Variants in CATSPERD observed in about 807,000 individuals in gnomAD.
CATSPERD encodes the protein catsper channel auxiliary subunit delta.
Under a neutral mutation model 98.1 loss-of-function variants are expected in CATSPERD, and 86 were observed. The ratio of observed to expected loss-of-function variants is 0.88; its 90% CI spans 0.74 to 1.05. CATSPERD has a LOEUF of 1.05. Among genes scored for constraint, CATSPERD ranks in the 50% least tolerant of loss-of-function variants. The probability of loss-of-function intolerance (pLI) is 0.00; values close to 1 mark genes in which losing one functional copy is unlikely to be tolerated. For missense variants in CATSPERD, 995 were observed against 1,005.7 expected, an observed-to-expected ratio of 0.99 and a Z score of 0.14; for synonymous variants, 394 against 390.2, an observed-to-expected ratio of 1.01 and a Z score of -0.12.
chr19:5,773,968 C>CTTTT (rs71172771), intron 20 of CATSPERD, among the ~76,000 whole-genome samples: 3 of 120,408 alleles, frequency 2.5e-5, no homozygotes, highest in Non-Finnish European at 3.3e-5. Flanking sequence ...TTTGCATTTG[C>CTTTT]TTTTTTTTTT....
chr19:5,747,417 C>T (rs1041674166), intron 9 of CATSPERD, among the ~76,000 whole-genome samples: 3 of 151,970 alleles, frequency 2.0e-5, no homozygotes, highest in Admixed American at 6.6e-5. Flanking sequence ...ATCCTCTGGC[C>T]TCAGCCTCCC....
At chr19:5,752,312 T>TA (rs1555722989) in intron 12 of CATSPERD, among the ~76,000 whole-genome samples, 1 of 150,948 alleles carries the variant, frequency 6.6e-6, no homozygotes, top group Non-Finnish European at 1.5e-5. Flanking sequence ...TCGTCTCAAA[T>TA]AATAAATAAA....
At chr19:5,762,058 A>ATATTTTTTTTTT in intron 15 of CATSPERD, among the ~76,000 whole-genome samples, 1 of 10,438 alleles carries the variant, frequency 9.6e-5, no homozygotes, top group African/African-American at 3.3e-4. Flanking sequence ...ATATATATAT[A>ATATTTTTTTTTT]TTTTTTTTTT....
chr19:5,731,138 A>G (rs2055709026), intron 4 of CATSPERD, among the ~76,000 whole-genome samples: 1 of 151,506 alleles, frequency 6.6e-6, no homozygotes, highest in Non-Finnish European at 1.5e-5. Context: ...AAACCAAAGC[A>G]CACCCTTAGT....
intron 12 of CATSPERD, chr19:5,753,656 G>T: frequency 2.9e-6 from 1 of 346,392 alleles, no homozygotes; most frequent in Non-Finnish European, 5.8e-6. Flanking sequence ...GATCACTTGT[G>T]CCCAGGAATT....
rs1330798473 is a variant in CATSPERD, at chr19:5,731,797, G to A, written c.276+1853G>A. Among the ~76,000 whole-genome samples the A allele has an allele frequency of 4.0e-5, 6 of 150,466 alleles. No individual in the cohort carries two copies. In the East Asian group the frequency reaches 5.9e-4, roughly 15 times the overall value. On this transcript the variant is annotated intron_variant, in intron 4 of 21. Coordinates refer to ENST00000381624, the MANE Select transcript of CATSPERD (RefSeq NM_152784.4). ...TCACCTTGTTAGCCAGGATGGTCTC[G>A]ATCTCCTGACCTCATGATCCACCCG...
intron 13 of CATSPERD, among the ~76,000 whole-genome samples, chr19:5,757,599 A>ATTTTT (rs534531838): frequency 2.2e-5 from 2 of 91,830 alleles, no homozygotes; most frequent in African/African-American, 4.0e-5. Flanking sequence ...GCCTGGCCAA[A>ATTTTT]TTTTTTTTTT....
At position 5,748,141 on chromosome 19, in the gene CATSPERD, C is replaced by T; in HGVS notation, c.809-19C>T. On this transcript the variant is annotated intron_variant, in intron 9 of 21. Coordinates refer to ENST00000381624, the MANE Select transcript of CATSPERD (RefSeq NM_152784.4). ...AGGATGTACACGGGGCCTCATGCAC[C>T]TGTCCTGTTACCTCCTAGGTCAGCT... The T allele has an allele frequency of 1.9e-6, 3 of 1,605,720 alleles. No individual in the cohort carries two copies. The highest frequency in any genetic ancestry group is 2.6e-6 in the Non-Finnish European group (3 of 1,172,584).
intron 7 of CATSPERD, among the ~76,000 whole-genome samples, chr19:5,743,991 C>CTT: frequency 6.6e-6 from 1 of 151,766 alleles, no homozygotes; most frequent in Non-Finnish European, 1.5e-5. Flanking sequence ...CTTTTCTTTT[C>CTT]TTTTTTGAGA....
chr19:5,744,584 T>G (rs1228413526), intron 8 of CATSPERD, 74 bp downstream of exon 8: 2 of 963,424 alleles, frequency 2.1e-6, no homozygotes, highest in African/African-American at 3.4e-5. Flanking sequence ...AACTCGCACA[T>G]TTTTAAACAT....
chr19:5,753,913 A>G (rs1158971474), intron 12 of CATSPERD, among the ~76,000 whole-genome samples: 1 of 151,922 alleles, frequency 6.6e-6, no homozygotes, highest in East Asian at 1.9e-4. Context: ...ATTACTGCGC[A>G]TGTCAGGGTT....
At position 5,766,160 on chromosome 19, in the gene CATSPERD, G is replaced by A. The variant is rs2056535038; in HGVS notation, c.1559+5G>A. ...TAAAAAGATCGTCATCCAGAAGTAA[G>A]TATGTTGAGGCCGGGCACCATGGCT... On this transcript the variant is annotated splice_donor_5th_base_variant and intron_variant, in intron 17 of 21. Transcript: ENST00000381624. The A allele has an allele frequency of 1.9e-6, 3 of 1,612,008 alleles. No homozygotes were observed. Among genetic ancestry groups the A allele is most frequent in the Non-Finnish European group, 2.5e-6 (3 of 1,179,006 alleles).
Position 5,744,407 on chromosome 19 carries a change from C to A in CATSPERD, c.574-20C>A. The A allele has an allele frequency of 6.3e-7, 1 of 1,598,866 alleles. No homozygotes were observed. On this transcript the variant is annotated intron_variant, in intron 7 of 21. Transcript: ENST00000381624. ...GTATTAAGATTTATTCATCTGAAGT[C>A]TTTTCTGTTTGTTTCATAGGCAGAA...
chr19:5,765,405 T>TATTC lies in CATSPERD; in HGVS notation c.1507-651_1507-648dup, dbSNP rs71172767. Among the ~76,000 whole-genome samples, 1,042 of 141,080 alleles carry TATTC rather than the reference T, an allele frequency of 7.4e-3. 9 individuals are homozygous for TATTC. The highest frequency in any genetic ancestry group is 0.029 in the East Asian group (144 of 5,012). The allele number at this position is 141,080 out of a possible 152,430, so 92.6% of individuals were successfully genotyped here. A position where few individuals can be genotyped will look rare whatever the true frequency, so the allele number is the denominator to read the frequency against. On this transcript the variant is annotated intron_variant, in intron 16 of 21. Coordinates refer to ENST00000381624, the MANE Select transcript of CATSPERD (RefSeq NM_152784.4). ...GTTTATTCATTCTAGGCCATTGATT[T>TATTC]ATTCATTCATTCATTCATTCATTCA... is the stretch of plus-strand genomic sequence containing the variant.
In CATSPERD at chr19:5,756,070, CAGG is replaced by C. The variant is rs1404981368; in HGVS notation, c.1279-1770_1279-1768del. Among the ~76,000 whole-genome samples, 3 of 152,048 alleles carry C rather than the reference CAGG, an allele frequency of 2.0e-5. No homozygotes were observed. In the East Asian group the frequency reaches 5.8e-4, roughly 30 times the overall value. On this transcript the variant is annotated intron_variant, in intron 13 of 21. Coordinates refer to ENST00000381624, the MANE Select transcript of CATSPERD (RefSeq NM_152784.4). ...CCAAGGCGGGCAGATTGCCTGAGGC[CAGG>C]AGTTCAAGATCAGCCTGGCCAACAT... is the stretch of plus-strand genomic sequence containing the variant.
At position 5,776,158 on chromosome 19, in the gene CATSPERD, C is replaced by A. The variant is rs755646470; in HGVS notation, c.1942-3C>A. 1 of 1,614,004 alleles carries A rather than the reference C, an allele frequency of 6.2e-7. No individual in the cohort carries two copies. Among genetic ancestry groups the A allele is most frequent in the East Asian group, 2.2e-5 (1 of 44,872 alleles). On this transcript the variant is annotated splice_polypyrimidine_tract_variant and splice_region_variant and intron_variant, in intron 20 of 21. Transcript: ENST00000381624. ...CCAGTGGGCATGTCTCTGTCCCCCA[C>A]AGAACTATGTGAGCTGCCACGACCC... is the stretch of plus-strand genomic sequence containing the variant.
chr19:5,765,932 C>G (rs866316434), intron 16 of CATSPERD, among the ~76,000 whole-genome samples, 171 bp from the exon 17 acceptor site: 7 of 152,216 alleles, frequency 4.6e-5, no homozygotes, highest in South Asian at 4.2e-4. Flanking sequence ...TTAAGCTCCG[C>G]GGGGCCAGCT....
At chr19:5,729,367 G>T (rs1275624323) in intron 3 of CATSPERD, among the ~76,000 whole-genome samples, 1 of 152,108 alleles carries the variant, frequency 6.6e-6, no homozygotes, top group Non-Finnish European at 1.5e-5. Flanking sequence ...CCAAAGTGCT[G>T]GGATTACAGG....
chr19:5,766,090 C>G lies in CATSPERD; in HGVS notation c.1507-13C>G, dbSNP rs201537911. 4 of 1,610,724 alleles carry G rather than the reference C, an allele frequency of 2.5e-6. No individual in the cohort carries two copies. Among genetic ancestry groups the G allele is most frequent in the Admixed American group, 1.7e-5 (1 of 59,620 alleles). On this transcript the variant is annotated splice_polypyrimidine_tract_variant and intron_variant, in intron 16 of 21. Coordinates refer to ENST00000381624, the MANE Select transcript of CATSPERD (RefSeq NM_152784.4). ...CTGACCTGGGTCCATATTTCTGTCT[C>G]TCTCCTCTGCAGTCGACACTGATTT...
Sources: allele counts gnomAD v4.1 joint callset (sites outside exome capture counted in the v4.1 genomes callset), GRCh38; gene constraint gnomAD v4.1.1; transcripts MANE v1.5; gene names NCBI Gene and HGNC (gene_info 2026-07-23, HGNC 2026-07-21).